Variants in PRKCE observed in about 807,000 individuals in gnomAD.
PRKCE encodes protein kinase C epsilon, also known as protein kinase C epsilon type.
In PRKCE, 16 loss-of-function variants were observed where a neutral mutation model predicts 85.4. The observed-to-expected ratio is 0.19, with a 90% CI of 0.13 to 0.28. The LOEUF (loss-of-function observed/expected upper bound fraction) is 0.28, where lower values mean the gene tolerates loss of function less well. PRKCE is among the 10% of genes least tolerant of loss of function. The probability of loss-of-function intolerance (pLI) is 1.00; values close to 1 mark genes in which losing one functional copy is unlikely to be tolerated. For synonymous variants in PRKCE, 388 were observed against 371.5 expected (o/e 1.04, Z -0.51); for missense variants, 573 against 975.2 (o/e 0.59, Z 5.49).
chr2:46,182,304 C>T (rs1214687590), intron 14 of PRKCE, among the ~76,000 whole-genome samples: 1 of 152,198 alleles, frequency 6.6e-6, no homozygotes, highest in Non-Finnish European at 1.5e-5. Flanking sequence ...TCGCCACACC[C>T]TTTGCCCAGG....
chr2:45,796,899 C>T (rs553364645), intron 1 of PRKCE, among the ~76,000 whole-genome samples: 69 of 152,210 alleles, frequency 4.5e-4, no homozygotes, highest in African/African-American at 9.6e-4. Flanking sequence ...AGTATAGGCA[C>T]GAACCACCAT....
rs1414596511 is a variant in PRKCE at position 45,651,999 on chromosome 2, G to T, written c.-102G>T. ...GGAGTGTGCGGGGTGGGGCGAAAGG[G>T]GACCCAAGAGTCCCTGTGGCTCGGA... On this transcript the variant is annotated 5_prime_UTR_variant, in exon 1 of 15. Coordinates refer to ENST00000306156, the MANE Select transcript of PRKCE (RefSeq NM_005400.3). 1.1e-5 allele frequency: 10 copies of T among 930,112 alleles called. No individual in the cohort carries two copies. Among genetic ancestry groups the T allele is most frequent in the Admixed American group, 7.1e-5 (3 of 42,068 alleles). The allele number at this position is 930,112 out of a possible 1,614,324, so 57.6% of individuals were successfully genotyped here. A position where few individuals can be genotyped will look rare whatever the true frequency, so the allele number is the denominator to read the frequency against.
rs992623503 is a variant in PRKCE, at chr2:46,004,951, G to A, written c.1063+313G>A. Among the ~76,000 whole-genome samples, 2 of 152,202 alleles carry A rather than the reference G, an allele frequency of 1.3e-5. No homozygotes were observed. The highest frequency in any genetic ancestry group is 2.9e-5 in the Non-Finnish European group (2 of 68,046). On this transcript the variant is annotated intron_variant, in intron 8 of 14. Transcript: ENST00000306156. This position sits in a 1 kb window ranked among gnomAD's most constrained non-coding sequence, Gnocchi z 4.1. ...CCTGGTTCCAAGTGTACTGCAGAGA[G>A]AAGGGTACAGCTCCCTCTCTTAAAG...
rs576061578 is a variant in PRKCE, at chr2:45,895,253, C to T, written c.412+52190C>T. 3.9e-5 allele frequency among the ~76,000 whole-genome samples: 6 copies of T among 152,294 alleles called. No individual in the cohort carries two copies. Among genetic ancestry groups the T allele is most frequent in the Non-Finnish European group, 7.4e-5 (5 of 68,020 alleles). ...TTATTTTCTCACTTCTGGCCACTGT[C>T]GGTTGTAGAGGTGCCCCTTCAGTAC... On this transcript the variant is annotated intron_variant, in intron 2 of 14. Coordinates refer to ENST00000306156, the MANE Select transcript of PRKCE (RefSeq NM_005400.3). The surrounding 1 kb of genome is among the most constrained non-coding windows in gnomAD (Gnocchi z 4.8).
chr2:46,133,806 G>A (rs1363055882), intron 11 of PRKCE, among the ~76,000 whole-genome samples: 1 of 152,180 alleles, frequency 6.6e-6, no homozygotes, highest in East Asian at 1.9e-4. Flanking sequence ...AACCAATAAT[G>A]CTCAAGGCAA....
chr2:46,002,175 G>T (rs952204539), intron 7 of PRKCE, among the ~76,000 whole-genome samples: 6 of 152,206 alleles, frequency 3.9e-5, no homozygotes, highest in African/African-American at 1.2e-4. Flanking sequence ...GTAAACAGGG[G>T]GAAAGGCATC....
chr2:45,696,016 T>C (rs996004493), intron 1 of PRKCE, among the ~76,000 whole-genome samples: 2 of 152,130 alleles, frequency 1.3e-5, no homozygotes, highest in African/African-American at 2.4e-5. Context: ...TGTATACATG[T>C]GCCATGCTGG....
Position 46,018,512 on chromosome 2 carries a change from A to T in PRKCE, c.1437+7995A>T, listed in dbSNP as rs905079754. ...TAAAAAAAGCCCTTCTGGCCTCTAT[A>T]CAGTGCCCAGAACTCAGTGCTTTAT... On this transcript the variant is annotated intron_variant, in intron 10 of 14. Transcript: ENST00000306156. Among the ~76,000 whole-genome samples the T allele has an allele frequency of 2.6e-5, 4 of 152,168 alleles. No homozygotes were observed. In the East Asian group the frequency reaches 7.7e-4, roughly 29 times the overall value.
At chr2:45,897,031 G>T (rs1200038412) in intron 2 of PRKCE, among the ~76,000 whole-genome samples, 1 of 152,132 alleles carries the variant, frequency 6.6e-6, no homozygotes, top group African/African-American at 2.4e-5. Context: ...TGAGCCGTGA[G>T]TGTGCCACCA....
chr2:46,138,740 CCTAATGCAT>C lies in PRKCE; in HGVS notation c.1593-6343_1593-6335del, dbSNP rs533989765. 1.5e-4 allele frequency among the ~76,000 whole-genome samples: 23 copies of C among 152,288 alleles called. No homozygotes were observed. In the South Asian group the frequency reaches 4.8e-3, roughly 32 times the overall value. ...CTGGAGAGGGGGCATACTAATAGCA[CCTAATGCAT>C]CTAATGCATAACATCTCATAGCATC... On this transcript the variant is annotated intron_variant, in intron 11 of 14. Coordinates refer to ENST00000306156, the MANE Select transcript of PRKCE (RefSeq NM_005400.3). This position sits in a 1 kb window ranked among gnomAD's most constrained non-coding sequence, Gnocchi z 4.2.
intron 2 of PRKCE, among the ~76,000 whole-genome samples, chr2:45,903,970 C>T (rs1476110526): frequency 6.7e-6 from 1 of 149,898 alleles, no homozygotes; most frequent in African/African-American, 2.5e-5. Context: ...GTGGCATGAT[C>T]CCTGCTCACT....
At chr2:45,754,237 T>C (rs182778431) in intron 1 of PRKCE, among the ~76,000 whole-genome samples, 6 of 152,344 alleles carry the variant, frequency 3.9e-5, no homozygotes, top group Non-Finnish European at 7.4e-5. Context: ...TCTGTGCTGC[T>C]GAGATGCTTT....
intron 6 of PRKCE, among the ~76,000 whole-genome samples, chr2:45,991,195 T>C (rs1042470628): frequency 3.3e-5 from 5 of 149,462 alleles, no homozygotes; most frequent in African/African-American, 1.2e-4. Context: ...TTAGTAGAGA[T>C]GGGGTTTCAT....
chr2:46,034,625 T>C (rs951019832), intron 10 of PRKCE, among the ~76,000 whole-genome samples: 4 of 152,190 alleles, frequency 2.6e-5, no homozygotes, highest in Admixed American at 6.5e-5. Flanking sequence ...TCCCCTCCTG[T>C]AGCCTTGGGA....
At chr2:45,832,749 C>G (rs1017078542) in intron 1 of PRKCE, among the ~76,000 whole-genome samples, 2 of 152,304 alleles carry the variant, frequency 1.3e-5, no homozygotes, top group South Asian at 2.1e-4. Context: ...AGCATTGGGT[C>G]TCCACTTGGA....
At chr2:45,658,110 G>T (rs1347616333) in intron 1 of PRKCE, among the ~76,000 whole-genome samples, 2 of 152,146 alleles carry the variant, frequency 1.3e-5, no homozygotes, top group African/African-American at 4.8e-5. Context: ...GACTACTAAG[G>T]GGGTAAGGAG....
At chr2:45,740,464 C>T (rs1209232866) in intron 1 of PRKCE, among the ~76,000 whole-genome samples, 3 of 152,186 alleles carry the variant, frequency 2.0e-5, no homozygotes, top group East Asian at 3.9e-4. Flanking sequence ...CATTGTTTCT[C>T]CTTTATGCTC....
At chr2:45,753,876 TAA>T (rs1300638670) in intron 1 of PRKCE, among the ~76,000 whole-genome samples, 1 of 152,156 alleles carries the variant, frequency 6.6e-6, no homozygotes, top group Non-Finnish European at 1.5e-5. Context: ...TCCAAAAAAA[TAA>T]AGACATTTTC....
At chr2:46,021,566 G>T (rs1706663405) in intron 10 of PRKCE, among the ~76,000 whole-genome samples, 1 of 152,046 alleles carries the variant, frequency 6.6e-6, no homozygotes, top group African/African-American at 2.4e-5. Flanking sequence ...ACTGTCAATT[G>T]TGTAGCCCCT....
Sources: allele counts gnomAD v4.1 joint callset (sites outside exome capture counted in the v4.1 genomes callset), GRCh38; gene constraint gnomAD v4.1.1; non-coding constraint Gnocchi (gnomAD v3.1); transcripts MANE v1.5; gene names NCBI Gene and HGNC (gene_info 2026-07-23, HGNC 2026-07-21).